The following AGPAT5 variants were observed in gnomAD, a reference collection of about 807,000 sequenced individuals.
The protein encoded by AGPAT5 is 1-acyl-sn-glycerol-3-phosphate acyltransferase epsilon.
In AGPAT5, 46 loss-of-function variants were observed where a neutral mutation model predicts 45.6. The observed-to-expected ratio is 1.01, with a 90% CI of 0.80 to 1.29. AGPAT5 has a LOEUF of 1.29. Ranked by LOEUF, AGPAT5 falls within the 50% of genes most tolerant of loss-of-function variation. The pLI is 0.00. For synonymous variants in AGPAT5, 272 were observed against 167.0 expected (o/e 1.63, Z -4.85); for missense variants, 673 against 450.7 (o/e 1.49, Z -4.47).
At chr8:6,722,661 G>C (rs1461363864) in intron 1 of AGPAT5, among the ~76,000 whole-genome samples, 2 of 152,168 alleles carry the variant, frequency 1.3e-5, no homozygotes, top group African/African-American at 4.8e-5. Context: ...ATGAAGGCGA[G>C]GTGAAACTGG....
At chr8:6,725,351 T>C (rs1424428565) in intron 2 of AGPAT5, among the ~76,000 whole-genome samples, 2 of 152,264 alleles carry the variant, frequency 1.3e-5, no homozygotes, top group Admixed American at 6.5e-5. Flanking sequence ...TTCCTTACTA[T>C]GCTCGTCATT....
intron 3 of AGPAT5, among the ~76,000 whole-genome samples, chr8:6,731,964 A>T (rs1800880051): frequency 6.6e-6 from 1 of 152,132 alleles, no homozygotes. Flanking sequence ...GTTACACTGG[A>T]TGACTAATCC....
At chr8:6,738,907 T>A (rs1476978618) in intron 4 of AGPAT5, among the ~76,000 whole-genome samples, 2 of 152,170 alleles carry the variant, frequency 1.3e-5, no homozygotes, top group Non-Finnish European at 2.9e-5. Context: ...TTAAGGTTGC[T>A]AAGATTTTCT....
chr8:6,716,817 G>A (rs1800347149), intron 1 of AGPAT5, among the ~76,000 whole-genome samples: 1 of 152,010 alleles, frequency 6.6e-6, no homozygotes, highest in Admixed American at 6.5e-5. Context: ...TGGGCAACAA[G>A]AGCGAAATTC....
chr8:6,750,262 G>A (rs1801616220), intron 6 of AGPAT5, among the ~76,000 whole-genome samples: 1 of 152,184 alleles, frequency 6.6e-6, no homozygotes, highest in African/African-American at 2.4e-5. Context: ...CATCATAAGT[G>A]CCTTGAGGAA....
intron 2 of AGPAT5, among the ~76,000 whole-genome samples, chr8:6,730,155 A>G (rs956370703): frequency 2.0e-5 from 3 of 151,904 alleles, no homozygotes; most frequent in African/African-American, 7.2e-5. Context: ...TTCCATACAC[A>G]TGCTGCTGTT....
intron 1 of AGPAT5, among the ~76,000 whole-genome samples, chr8:6,716,517 G>A (rs1263466405): frequency 6.6e-6 from 1 of 151,986 alleles, no homozygotes; most frequent in Non-Finnish European, 1.5e-5. Context: ...GGGCGACAGA[G>A]TGAGACCCTG....
chr8:6,752,041 G>T (rs1352351086), intron 6 of AGPAT5, among the ~76,000 whole-genome samples: 2 of 152,138 alleles, frequency 1.3e-5, no homozygotes, highest in Admixed American at 6.5e-5. Context: ...GCCGGGCACA[G>T]TGGTAGGCAC....
intron 5 of AGPAT5, 61 bp from the exon 6 acceptor site, chr8:6,747,609 A>G (rs998772732): frequency 3.5e-6 from 5 of 1,435,882 alleles, no homozygotes; most frequent in Non-Finnish European, 4.8e-6. Flanking sequence ...TTTAGATGTT[A>G]AACAGTATAT....
Position 6,730,801 on chromosome 8 carries a change from C to T in AGPAT5, c.380C>T (p.Pro127Leu). Reference sequence around the variant, plus strand: ...CTGAAAGAAGGGTTAAAATGGCTGCCATTGTATGGGTGTTACTTTGCTCAG... The same window carrying T: ...CTGAAAGAAGGGTTAAAATGGCTGCTATTGTATGGGTGTTACTTTGCTCAG... ...YVLKEGLKWL[P>L]LYGCYFAQHG... The change falls in exon 3 of 8, where the codon CCA (proline) becomes CTA (leucine). Residue 127 changes from proline to leucine, a missense_variant. Transcript: ENST00000285518. The T allele has an allele frequency of 6.2e-7, 1 of 1,613,156 alleles. No homozygotes were observed. The highest frequency in any genetic ancestry group is 8.5e-7 in the Non-Finnish European group (1 of 1,179,326).
chr8:6,744,229 A>C (rs1161364165), intron 5 of AGPAT5, among the ~76,000 whole-genome samples: 2 of 152,230 alleles, frequency 1.3e-5, no homozygotes, highest in Admixed American at 6.5e-5. Flanking sequence ...CACTTGAACA[A>C]ATGTTTATTC....
At chr8:6,733,376 G>C (rs964693893) in intron 4 of AGPAT5, among the ~76,000 whole-genome samples, 8 of 152,164 alleles carry the variant, frequency 5.3e-5, no homozygotes, top group Non-Finnish European at 1.0e-4. Flanking sequence ...CAGGGGTCCT[G>C]GGCAGCAGCT....
chr8:6,753,159 A>G (rs1801712416), intron 6 of AGPAT5, among the ~76,000 whole-genome samples: 1 of 152,248 alleles, frequency 6.6e-6, no homozygotes, highest in Non-Finnish European at 1.5e-5. Context: ...ACCCATGCAC[A>G]TTTCGGAGTG....
At chr8:6,726,247 T>C (rs955600622) in intron 2 of AGPAT5, among the ~76,000 whole-genome samples, 3 of 152,212 alleles carry the variant, frequency 2.0e-5, no homozygotes, top group Non-Finnish European at 4.4e-5. Context: ...TGCTGATGGA[T>C]GTTTCTTCCA....
rs1801912325 is a variant in AGPAT5 at position 6,758,288 on chromosome 8, G to A, written c.*900G>A. 6.6e-6 allele frequency: 1 copy of A among 152,638 alleles called. No individual in the cohort carries two copies. The highest frequency in any genetic ancestry group is 2.4e-5 in the African/African-American group (1 of 41,448). 9.5% of individuals were successfully genotyped at this position (152,638 alleles called of 1,614,324 possible). On this transcript the variant is annotated 3_prime_UTR_variant, in exon 8 of 8. Coordinates refer to ENST00000285518, the MANE Select transcript of AGPAT5 (RefSeq NM_018361.5). ...AAGATTTTTAAGGTGATGAGAGCCT[G>A]CAGACATTCTGCCTAGATTTACTAG...
intron 1 of AGPAT5, among the ~76,000 whole-genome samples, chr8:6,712,835 G>T (rs1230516841): frequency 6.6e-6 from 1 of 152,156 alleles, no homozygotes; most frequent in Non-Finnish European, 1.5e-5. Flanking sequence ...AGCATGTTCT[G>T]TGAAGCTGAT....
At chr8:6,712,734 C>T (rs1417431159) in intron 1 of AGPAT5, among the ~76,000 whole-genome samples, 1 of 152,174 alleles carries the variant, frequency 6.6e-6, no homozygotes, top group Admixed American at 6.5e-5. Context: ...GCCTAGAATT[C>T]TATCCTAGGA....
intron 1 of AGPAT5, among the ~76,000 whole-genome samples, chr8:6,722,101 G>A (rs986956787): frequency 6.6e-6 from 1 of 152,164 alleles, no homozygotes. Flanking sequence ...ATTGTGGGAA[G>A]ATGACTAGGA....
At chr8:6,755,389 A>G (rs1478270758) in intron 7 of AGPAT5, among the ~76,000 whole-genome samples, 2 of 152,240 alleles carry the variant, frequency 1.3e-5, no homozygotes, top group East Asian at 3.8e-4. Flanking sequence ...ACTTGCATTG[A>G]TAGTATTTCT....
Sources: gnomAD v4.1 joint callset for allele counts (sites outside exome capture counted in the v4.1 genomes callset) on GRCh38, gnomAD v4.1.1 for gene constraint, MANE v1.5 for transcripts, NCBI Gene and HGNC (gene_info 2026-07-23, HGNC 2026-07-21) for gene names.